Variants in RHOT2 observed in about 807,000 individuals in gnomAD.
The protein encoded by RHOT2 is mitochondrial Rho GTPase 2.
In RHOT2, 90 loss-of-function variants were observed where a neutral mutation model predicts 81.6. The ratio of observed to expected loss-of-function variants is 1.10; its 90% confidence interval spans 0.93 to 1.31. The LOEUF (loss-of-function observed/expected upper bound fraction) is 1.31, where lower values mean the gene tolerates loss of function less well. Among genes scored for constraint, RHOT2 ranks in the 40% most tolerant of loss-of-function variants. RHOT2 has a pLI of 0.00. For missense variants in RHOT2, 1,014 were observed against 841.9 expected (o/e 1.20, Z -2.53); for synonymous variants, 512 against 370.9 (o/e 1.38, Z -4.37).
chr16:673,727 A>C lies in RHOT2; in HGVS notation c.*121A>C. On this transcript the variant is annotated 3_prime_UTR_variant, in exon 19 of 19. Coordinates refer to ENST00000315082, the MANE Select transcript of RHOT2 (RefSeq NM_138769.3). Reference sequence around the variant, plus strand: ...ACTCCGGGAACGCCTTTGCGCCGGGACTTTTTGTTTCTGAAGGCAGTCGAT... The same window carrying C: ...ACTCCGGGAACGCCTTTGCGCCGGGCCTTTTTGTTTCTGAAGGCAGTCGAT... 5 of 1,293,714 alleles carry C rather than the reference A, an allele frequency of 3.9e-6. No homozygotes were observed. The South Asian group carries it at 5.8e-5, about 15-fold the overall frequency. 80.1% of individuals were successfully genotyped at this position (1,293,714 alleles called of 1,614,324 possible). A position where few individuals can be genotyped will look rare whatever the true frequency, so the allele number is the denominator to read the frequency against.
In RHOT2 at chr16:673,800, A is replaced by C; in HGVS notation, c.*194A>C. ...CATGCACTGCCCTGGCTCCTGCCGG[A>C]CCCCCAGGGTGGGCCGTGGCAGGTG... On this transcript the variant is annotated 3_prime_UTR_variant, in exon 19 of 19. Transcript: ENST00000315082. 1 of 738,042 alleles carries C rather than the reference A, an allele frequency of 1.4e-6. No homozygotes were observed. The highest frequency in any genetic ancestry group is 2.1e-6 in the Non-Finnish European group (1 of 465,388). The allele number at this position is 738,042 out of a possible 1,614,324, so 45.7% of individuals were successfully genotyped here.
rs753439043 is a variant in RHOT2, at chr16:670,920, C to T, written c.668C>T (p.Pro223Leu). The change falls in exon 10 of 19, where the codon CCG becomes CTG. Residue 223 changes from proline (P) to leucine (L), a missense_variant. Physicochemically the swap from Pro to Leu is moderately conservative, Grantham distance 98. Coordinates refer to ENST00000315082, the MANE Select transcript of RHOT2 (RefSeq NM_138769.3). Reference protein sequence around the residue: ...QKSCFGHPLAPQALEDVKTVV... With the variant: ...QKSCFGHPLALQALEDVKTVV... ...TCCTGCTTTGGGCACCCCCTGGCCC[C>T]GCAGGCCCTGGAGGACGTGAAGACG... The T allele has an allele frequency of 2.7e-5, 43 of 1,569,056 alleles. No homozygotes were observed. In the Admixed American group the frequency reaches 5.6e-4, roughly 20 times the overall value.
Position 671,143 on chromosome 16 carries a change from T to C in RHOT2, c.809T>C (p.Ile270Thr). 5 of 1,601,354 alleles carry C rather than the reference T, an allele frequency of 3.1e-6. No homozygotes were observed. In the South Asian group the frequency reaches 3.3e-5, roughly 11 times the overall value. ...GGCCGGCACGAGACCACCTGGACCA[T>C]CCTGCGGCGCTTCGGCTACAGCGAT... is the stretch of plus-strand genomic sequence containing the variant. Reference protein sequence around the residue: ...QRGRHETTWTILRRFGYSDAL... With the variant: ...QRGRHETTWTTLRRFGYSDAL... The change falls in exon 11 of 19, where the codon ATC becomes ACC. Residue 270 changes from isoleucine to threonine, a missense_variant. Ile to Thr is a moderately conservative substitution (Grantham distance 89). Coordinates refer to ENST00000315082, the MANE Select transcript of RHOT2 (RefSeq NM_138769.3).
intron 12 of RHOT2, 29 bp downstream of exon 12, chr16:671,810 G>GCCCCGGCCCCCC: frequency 6.3e-7 from 1 of 1,586,228 alleles, no homozygotes; most frequent in Non-Finnish European, 8.6e-7. Context: ...CCCTGCCCCT[G>GCCCCGGCCCCCC]CCCCCGCCCC....
intron 5 of RHOT2, 128 bp downstream of exon 5, chr16:669,734 T>G (rs750457594): frequency 2.0e-5 from 18 of 907,026 alleles, no homozygotes; most frequent in Non-Finnish European, 2.9e-5. Flanking sequence ...TGGAGTTGCC[T>G]GACGTGGAGT....
chr16:673,387 G>A (rs2039289494), intron 18 of RHOT2, 93 bp from the exon 19 acceptor site: 3 of 1,570,606 alleles, frequency 1.9e-6, no homozygotes, highest in Non-Finnish European at 2.6e-6. Flanking sequence ...CCCCGCCTGT[G>A]GGGCCCTGTG....
chr16:670,482 C>G lies in RHOT2; in HGVS notation c.465C>G (p.Ile155Met). 1 of 1,608,242 alleles carries G rather than the reference C, an allele frequency of 6.2e-7. No individual in the cohort carries two copies. Among genetic ancestry groups the G allele is most frequent in the Non-Finnish European group, 8.5e-7 (1 of 1,177,376 alleles). The stretch of plus-strand genomic sequence containing the variant: ...GTTCGGCCAAGAACCTGAGGAACAT[C>G]TCAGAGCTGTTCTACTACGCCCAGA... ...VECSAKNLRN[I>M]SELFYYAQKA... The change falls in exon 8 of 19, where the codon ATC becomes ATG. Residue 155 changes from isoleucine to methionine, a missense_variant. Physicochemically the swap from Ile to Met is conservative, Grantham distance 10. Transcript: ENST00000315082.
chr16:668,844 C>G (rs1406712960), intron 4 of RHOT2, 145 bp downstream of exon 4: 2 of 804,958 alleles, frequency 2.5e-6, no homozygotes, highest in Non-Finnish European at 3.8e-6. Context: ...TGTCGGGGCC[C>G]CTACAGCGCA....
In RHOT2 at chr16:670,944, CGGT is replaced by C. The variant is rs1158058208; in HGVS notation, c.697_699del (p.Val233del). ...CCGCAGGCCCTGGAGGACGTGAAGA[CGGT>C]GGTGTGCAGGAACGTGGCGGGCGGC... is the stretch of plus-strand genomic sequence containing the variant. On this transcript the variant is annotated inframe_deletion, in exon 10 of 19. Transcript: ENST00000315082. 1 of 1,571,110 alleles carries C rather than the reference CGGT, an allele frequency of 6.4e-7. No homozygotes were observed. The highest frequency in any genetic ancestry group is 2.3e-5 in the East Asian group (1 of 44,392).
Position 672,475 on chromosome 16 carries a change from T to A in RHOT2, c.1327-14T>A. Reference sequence around the variant, plus strand: ...CACTGCAGCCAGCGAGTGTCAGGACTTCACCTCCCTCAGCACCAGGACACG... The same window carrying A: ...CACTGCAGCCAGCGAGTGTCAGGACATCACCTCCCTCAGCACCAGGACACG... On this transcript the variant is annotated splice_polypyrimidine_tract_variant and intron_variant, in intron 15 of 18. Coordinates refer to ENST00000315082, the MANE Select transcript of RHOT2 (RefSeq NM_138769.3). 6.2e-7 allele frequency: 1 copy of A among 1,612,300 alleles called. No individual in the cohort carries two copies.
intron 4 of RHOT2, chr16:668,931 C>T (rs989007598): frequency 2.2e-5 from 12 of 535,078 alleles, no homozygotes; most frequent in Non-Finnish European, 3.9e-5. Context: ...GCTCTCCCTC[C>T]CTCCTGCCGG....
chr16:672,914 C>T lies in RHOT2; in HGVS notation c.1528-14C>T. ...CACCCCAGGACTGTACCTCATACCA[C>T]TCTCTGCCCACAGCACCATTACATG... On this transcript the variant is annotated splice_polypyrimidine_tract_variant and intron_variant, in intron 17 of 18. Coordinates refer to ENST00000315082, the MANE Select transcript of RHOT2 (RefSeq NM_138769.3). 3 of 1,612,790 alleles carry T rather than the reference C, an allele frequency of 1.9e-6. No homozygotes were observed. The highest frequency in any genetic ancestry group is 2.5e-6 in the Non-Finnish European group (3 of 1,179,962).
chr16:672,295 C>T lies in RHOT2; in HGVS notation c.1237C>T (p.Gln413Ter), dbSNP rs1401240368. The change falls in exon 15 of 19, where the codon CAG (glutamine) becomes TAG (stop). Residue 413 changes from glutamine to a stop codon, truncating the protein, a stop_gained. Transcript: ENST00000315082. LOFTEE classifies it high-confidence loss of function. ...GCTGGACCAGGAGAAGGGACAGACG[C>T]AGCGGAGCGTCCTCCTGTGCAAGGT... ...KRLDQEKGQTQRSVLLCKVVG... is the reference protein window; with the variant it reads ...KRLDQEKGQT The T allele has an allele frequency of 1.9e-6, 3 of 1,612,308 alleles. No homozygotes were observed. The highest frequency in any genetic ancestry group is 2.5e-6 in the Non-Finnish European group (3 of 1,179,676).
chr16:670,615 T>G, intron 8 of RHOT2, 58 bp downstream of exon 8: 1 of 1,601,296 alleles, frequency 6.2e-7, no homozygotes, highest in Non-Finnish European at 8.5e-7. Flanking sequence ...GGGTGCTGGG[T>G]GGGGCGGTGT....
intron 11 of RHOT2, among the ~76,000 whole-genome samples, 161 bp from the exon 12 acceptor site, chr16:671,536 C>T (rs118039913): frequency 0.024 from 3,700 of 152,236 alleles, 52 homozygotes; most frequent in Non-Finnish European, 0.03. Context: ...AGGTGGGCAC[C>T]CTCCTCCCCT....
At chr16:671,028 G>C (rs1479503701) in intron 10 of RHOT2, 28 bp downstream of exon 10, 2 of 1,605,704 alleles carry the variant, frequency 1.2e-6, no homozygotes, top group Admixed American at 1.7e-5. Flanking sequence ...CCTGTGCCTG[G>C]GGAGTGTGGG....
At position 673,685 on chromosome 16, in the gene RHOT2, G is replaced by A. The variant is rs2039333388; in HGVS notation, c.*79G>A. On this transcript the variant is annotated 3_prime_UTR_variant, in exon 19 of 19. Coordinates refer to ENST00000315082, the MANE Select transcript of RHOT2 (RefSeq NM_138769.3). ...GCTCTGCAGGGGCAGCACAGCTGGG[G>A]TGCAGGCCAGGCTGCCACTCCGGGA... The A allele has an allele frequency of 1.6e-5, 24 of 1,524,010 alleles. No homozygotes were observed. The highest frequency in any genetic ancestry group is 1.5e-4 in the South Asian group (12 of 80,210). 94.4% of individuals were successfully genotyped at this position (1,524,010 alleles called of 1,614,324 possible). A position where few individuals can be genotyped will look rare whatever the true frequency, so the allele number is the denominator to read the frequency against.
chr16:673,201 C>G (rs1331486729), intron 18 of RHOT2, 71 bp downstream of exon 18: 1 of 1,508,844 alleles, frequency 6.6e-7, no homozygotes, highest in African/African-American at 1.4e-5. Context: ...GCGGTGGTGT[C>G]AGGCCTGGAA....
At position 671,063 on chromosome 16, in the gene RHOT2, C is replaced by T. The variant is rs768215443; in HGVS notation, c.749-20C>T. ...GGAGGGGGCTGTGCCTGGTGCTCCC[C>T]CTGCTTTGTCTCGGTGCAGGTTTCC... is the stretch of plus-strand genomic sequence containing the variant. On this transcript the variant is annotated intron_variant, in intron 10 of 18. Coordinates refer to ENST00000315082, the MANE Select transcript of RHOT2 (RefSeq NM_138769.3). 5 of 1,608,732 alleles carry T rather than the reference C, an allele frequency of 3.1e-6. No homozygotes were observed. Among genetic ancestry groups the T allele is most frequent in the African/African-American group, 1.3e-5 (1 of 74,832 alleles).
Sources: gnomAD v4.1 joint callset for allele counts (sites outside exome capture counted in the v4.1 genomes callset) on GRCh38, gnomAD v4.1.1 for gene constraint, MANE v1.5 for transcripts, NCBI Gene and HGNC (gene_info 2026-07-23, HGNC 2026-07-21) for gene names.